The following KAZN variants were observed in gnomAD, a reference collection of about 807,000 sequenced individuals.
The protein encoded by KAZN is kazrin.
Under a neutral mutation model 87.4 loss-of-function variants are expected in KAZN, and 40 were observed. That is an observed-to-expected ratio of 0.46 (90% CI 0.36 to 0.60). The LOEUF (loss-of-function observed/expected upper bound fraction) is 0.60, where lower values mean the gene tolerates loss of function less well. Among genes scored for constraint, KAZN ranks in the 20% least tolerant of loss-of-function variants. KAZN has a pLI of 0.00. For synonymous variants in KAZN, 466 were observed against 458.3 expected, an observed-to-expected ratio of 1.02 and a Z score of -0.22; for missense variants, 898 against 1,073.9, an observed-to-expected ratio of 0.84 and a Z score of 2.29.
At chr1:14,507,524 G>C (rs1377040698) in intron 2 of KAZN, among the ~76,000 whole-genome samples, 2 of 152,194 alleles carry the variant, frequency 1.3e-5, no homozygotes, top group African/African-American at 4.8e-5. Context: ...TATATAGTCA[G>C]TGCATCCGCC....
chr1:14,881,411 T>C (rs930651243), intron 1 of KAZN, among the ~76,000 whole-genome samples: 3 of 152,214 alleles, frequency 2.0e-5, no homozygotes, highest in Non-Finnish European at 4.4e-5. Context: ...CATTTGAGGC[T>C]ACTAAGGCAC....
chr1:14,625,118 G>C (rs1268692617), intron 1 of KAZN, among the ~76,000 whole-genome samples: 1 of 152,148 alleles, frequency 6.6e-6, no homozygotes, highest in African/African-American at 2.4e-5. Context: ...ACACCGCGTA[G>C]TCATCATGGA....
chr1:14,492,634 G>A (rs1416540705), intron 2 of KAZN, among the ~76,000 whole-genome samples: 1 of 870 alleles, frequency 1.1e-3, no homozygotes, highest in Non-Finnish European at 1.9e-3. Context: ...TAATCCCTAG[G>A]CCCTACATAA....
At chr1:14,629,616 C>T (rs1345813718) in intron 1 of KAZN, among the ~76,000 whole-genome samples, 2 of 152,198 alleles carry the variant, frequency 1.3e-5, no homozygotes, top group Non-Finnish European at 2.9e-5. Flanking sequence ...ATGGCTGCCA[C>T]GGCTCCAGGG....
At chr1:14,764,267 C>T (rs998305836) in intron 1 of KAZN, among the ~76,000 whole-genome samples, 10 of 151,954 alleles carry the variant, frequency 6.6e-5, no homozygotes, top group Non-Finnish European at 2.9e-5. Context: ...TCAGAGGCCC[C>T]CACAGCTGAA....
chr1:14,419,489 C>T (rs866403521), intron 2 of KAZN, among the ~76,000 whole-genome samples: 7 of 152,220 alleles, frequency 4.6e-5, no homozygotes, highest in Non-Finnish European at 8.8e-5. Context: ...CTTCCCTGGA[C>T]TTACCAGAGT....
chr1:14,291,821 G>A (rs997972584), intron 2 of KAZN, among the ~76,000 whole-genome samples: 5 of 152,138 alleles, frequency 3.3e-5, no homozygotes, highest in African/African-American at 1.2e-4. Flanking sequence ...ATCTTGGAAC[G>A]AATCGATTGA....
chr1:14,292,009 C>T (rs570389694), intron 2 of KAZN, among the ~76,000 whole-genome samples: 48 of 152,224 alleles, frequency 3.2e-4, no homozygotes, highest in African/African-American at 1.1e-3. Flanking sequence ...TACCCAGTCT[C>T]GGGTATTTCT....
intron 1 of KAZN, among the ~76,000 whole-genome samples, chr1:14,872,250 C>A (rs962973253): frequency 6.6e-6 from 1 of 152,136 alleles, no homozygotes; most frequent in Non-Finnish European, 1.5e-5. Flanking sequence ...TAAACTACTA[C>A]TTTAGGGTGG....
rs80025538 is a variant in KAZN, at chr1:14,144,806, A to C, written c.92-35629A>C. ...GCACGAAAGGAAGCAAGTGGGGGGA[A>C]GTTCCAGGCTCCTTTTAACAACCAG... On this transcript the variant is annotated intron_variant, in intron 1 of 16. Transcript: ENST00000636203. Among the ~76,000 whole-genome samples, 128 of 152,252 alleles carry C rather than the reference A, an allele frequency of 8.4e-4. 4 individuals carry two copies. In the East Asian group the frequency reaches 0.022, roughly 27 times the overall value.
chr1:14,944,575 C>T (rs943102283), intron 1 of KAZN, among the ~76,000 whole-genome samples: 1 of 152,226 alleles, frequency 6.6e-6, no homozygotes, highest in Non-Finnish European at 1.5e-5. Context: ...TGCCTGGTGT[C>T]TGTGCATGGG....
intron 2 of KAZN, among the ~76,000 whole-genome samples, chr1:14,476,037 G>C (rs974685607): frequency 6.6e-6 from 1 of 152,192 alleles, no homozygotes; most frequent in Non-Finnish European, 1.5e-5. Context: ...TGGTCCCTCA[G>C]CAGCCCAACA....
At chr1:14,505,706 G>T (rs527571077) in intron 2 of KAZN, among the ~76,000 whole-genome samples, 4 of 152,330 alleles carry the variant, frequency 2.6e-5, no homozygotes, top group Non-Finnish European at 4.4e-5. Context: ...GGGCGCGGTG[G>T]CTCACGCCTG....
At chr1:14,872,472 A>G (rs535159435) in intron 1 of KAZN, among the ~76,000 whole-genome samples, 5 of 152,350 alleles carry the variant, frequency 3.3e-5, no homozygotes, top group East Asian at 1.9e-4. Context: ...AGATTATTCA[A>G]TTGGATCATT....
chr1:14,098,933 T>G (rs1644187874), intron 1 of KAZN, among the ~76,000 whole-genome samples: 1 of 152,162 alleles, frequency 6.6e-6, no homozygotes, highest in South Asian at 2.1e-4. Context: ...AGGGGAGAAT[T>G]TCACATCTGC....
chr1:14,474,037 T>A (rs965979574), intron 2 of KAZN, among the ~76,000 whole-genome samples: 4 of 152,256 alleles, frequency 2.6e-5, no homozygotes, highest in Admixed American at 1.3e-4. Flanking sequence ...TTCTATTGTG[T>A]GTGTCTCATT....
rs112274902 is a variant in KAZN at position 14,427,200 on chromosome 1, G to A, written c.250-171783G>A. On this transcript the variant is annotated intron_variant, in intron 2 of 16. Transcript: ENST00000636203. ...GGTAGGACCTCAAATGTCTGCAGGT[G>A]TCCTCAAGGCTGGGGTTCATGGTGT... Among the ~76,000 whole-genome samples the A allele has an allele frequency of 5.8e-3, 876 of 152,270 alleles. 15 individuals are homozygous for A. The highest frequency in any genetic ancestry group is 0.02 in the African/African-American group (817 of 41,538).
At chr1:14,879,217 T>A (rs1653073515) in intron 1 of KAZN, among the ~76,000 whole-genome samples, 1 of 152,204 alleles carries the variant, frequency 6.6e-6, no homozygotes, top group Non-Finnish European at 1.5e-5. Context: ...CCTCGGTTCC[T>A]CATCTGTGTA....
chr1:14,636,133 G>A (rs938658077), intron 1 of KAZN, among the ~76,000 whole-genome samples: 11 of 152,166 alleles, frequency 7.2e-5, no homozygotes, highest in African/African-American at 2.2e-4. Flanking sequence ...CCCAGGCTTG[G>A]CCACCAGAAC....
Sources: gnomAD v4.1 joint callset for allele counts (sites outside exome capture counted in the v4.1 genomes callset) on GRCh38, gnomAD v4.1.1 for gene constraint, MANE v1.5 for transcripts, NCBI Gene and HGNC (gene_info 2026-07-23, HGNC 2026-07-21) for gene names.